The following NSD3 variants were observed in gnomAD, a reference collection of about 807,000 sequenced individuals.
The protein encoded by NSD3 is nuclear receptor binding SET domain protein 3.
Under a neutral mutation model 160.8 loss-of-function variants are expected in NSD3, and 24 were observed. The observed-to-expected ratio is 0.15, with a 90% CI of 0.11 to 0.21. The LOEUF is 0.21. NSD3 is among the 10% of genes least tolerant of loss of function. The pLI is 1.00. For missense variants in NSD3, 1,157 were observed against 1,735.9 expected (o/e 0.67, Z 5.93); for synonymous variants, 520 against 600.0 (o/e 0.87, Z 1.95).
At chr8:38,283,009 G>A (rs557521064) in intron 19 of NSD3, among the ~76,000 whole-genome samples, 3 of 152,206 alleles carry the variant, frequency 2.0e-5, no homozygotes, top group Non-Finnish European at 4.4e-5. Context: ...ACCATATGGT[G>A]AGTGTATGTT....
chr8:38,377,855 C>G (rs1391575308), intron 1 of NSD3, among the ~76,000 whole-genome samples: 1 of 152,016 alleles, frequency 6.6e-6, no homozygotes, highest in African/African-American at 2.4e-5. Flanking sequence ...ACCGCTTGAA[C>G]CGGGAGGTGA....
chr8:38,333,780 T>C (rs1810131782), intron 4 of NSD3, among the ~76,000 whole-genome samples: 1 of 151,712 alleles, frequency 6.6e-6, no homozygotes, highest in Admixed American at 6.6e-5. Flanking sequence ...GGCAGGAGAA[T>C]GGCGTGAACC....
intron 11 of NSD3, 43 bp from the exon 12 acceptor site, chr8:38,314,816 C>T (rs111569526): frequency 0.013 from 20,834 of 1,593,226 alleles, 143 homozygotes; most frequent in Non-Finnish European, 0.015. Context: ...CTTTGGCAAA[C>T]ATCAAGACCA....
Position 38,337,482 on chromosome 8 carries a change from C to A in NSD3, c.748-15G>T. 6.5e-7 allele frequency: 1 copy of A among 1,529,550 alleles called. No individual in the cohort carries two copies. The highest frequency in any genetic ancestry group is 8.7e-7 in the Non-Finnish European group (1 of 1,145,242). The allele number at this position is 1,529,550 out of a possible 1,614,324, so 94.7% of individuals were successfully genotyped here. A position where few individuals can be genotyped will look rare whatever the true frequency, so the allele number is the denominator to read the frequency against. On this transcript the variant is annotated splice_polypyrimidine_tract_variant and intron_variant, in intron 3 of 23. Coordinates refer to ENST00000317025, the MANE Select transcript of NSD3 (RefSeq NM_023034.2). ...ATTGGCTGAACCTACAGGAAAGGGT[C>A]AAAAAACTTCATCAGAAATTCAAAA...
chr8:38,304,754 C>A lies in NSD3; in HGVS notation c.2444G>T (p.Arg815Leu), dbSNP rs760732116. The stretch of plus-strand genomic sequence containing the variant: ...TGGACATCTTAAACATCTCATCATG[C>A]GGCCTGTTTAAAGACAAGTCAAAAA... ...EKDIHKASKG[R>L]MMRCLRCPVA... Residue 815 changes from arginine to leucine, a missense_variant, in exon 14 of 24, where the codon CGC becomes CTC. Physicochemically the swap from Arg to Leu is moderately radical, Grantham distance 102. Transcript: ENST00000317025. The A allele has an allele frequency of 6.2e-7, 1 of 1,603,612 alleles. No individual in the cohort carries two copies. Among genetic ancestry groups the A allele is most frequent in the Non-Finnish European group, 8.5e-7 (1 of 1,176,500 alleles).
At chr8:38,357,936 T>A (rs1355113483) in intron 1 of NSD3, among the ~76,000 whole-genome samples, 1 of 152,154 alleles carries the variant, frequency 6.6e-6, no homozygotes, top group Non-Finnish European at 1.5e-5. Flanking sequence ...TTAGCTCACT[T>A]AGATGTCACT....
At chr8:38,304,838 G>T in intron 13 of NSD3, 81 bp from the exon 14 acceptor site, 1 of 1,437,686 alleles carries the variant, frequency 7.0e-7, no homozygotes, top group Admixed American at 2.4e-5. Flanking sequence ...GGGCTTTTTT[G>T]GGTCCCTCTG....
At chr8:38,343,046 A>T (rs1000034580) in intron 2 of NSD3, among the ~76,000 whole-genome samples, 5 of 151,716 alleles carry the variant, frequency 3.3e-5, no homozygotes, top group Admixed American at 2.6e-4. Context: ...ACACAAAAAA[A>T]TTAGCTGAGT....
intron 1 of NSD3, among the ~76,000 whole-genome samples, chr8:38,376,045 G>C (rs1260998945): frequency 6.6e-6 from 1 of 151,876 alleles, no homozygotes; most frequent in African/African-American, 2.4e-5. Flanking sequence ...TTTTTAACTT[G>C]TTTTCAAATA....
In NSD3 at chr8:38,278,248, C is replaced by T. The variant is rs1054209644; in HGVS notation, c.3867+58G>A. 52 of 1,521,700 alleles carry T rather than the reference C, an allele frequency of 3.4e-5. No homozygotes were observed. The African/African-American group carries it at 6.5e-4, about 19-fold the overall frequency. The allele number at this position is 1,521,700 out of a possible 1,614,324, so 94.3% of individuals were successfully genotyped here. A position where few individuals can be genotyped will look rare whatever the true frequency, so the allele number is the denominator to read the frequency against. The stretch of plus-strand genomic sequence containing the variant: ...CCACCGCGCCCGGCCAAACAGACTT[C>T]TTAACAGCCCTACTCCTTATCGCCT... On this transcript the variant is annotated intron_variant, in intron 22 of 23. Transcript: ENST00000317025.
intron 1 of NSD3, among the ~76,000 whole-genome samples, chr8:38,365,819 A>G (rs1374045129): frequency 6.6e-6 from 1 of 152,132 alleles, no homozygotes; most frequent in Non-Finnish European, 1.5e-5. Flanking sequence ...AAAGACAAGG[A>G]AAAAGATGAT....
intron 7 of NSD3, among the ~76,000 whole-genome samples, chr8:38,322,702 A>G (rs912413042): frequency 3.3e-5 from 5 of 152,230 alleles, no homozygotes; most frequent in African/African-American, 1.2e-4. Flanking sequence ...AAGAAAGAGG[A>G]GGTGAGCATT....
At chr8:38,291,644 A>G (rs562654067) in intron 16 of NSD3, among the ~76,000 whole-genome samples, 1 of 152,372 alleles carries the variant, frequency 6.6e-6, no homozygotes, top group South Asian at 2.1e-4. Flanking sequence ...TAAACAAAAC[A>G]AAAACCAATA....
intron 6 of NSD3, among the ~76,000 whole-genome samples, chr8:38,328,590 C>T (rs1009751741): frequency 6.6e-6 from 1 of 152,144 alleles, no homozygotes; most frequent in Non-Finnish European, 1.5e-5. Flanking sequence ...AATTAATCTG[C>T]ATATGACTAT....
intron 1 of NSD3, among the ~76,000 whole-genome samples, chr8:38,354,419 T>C (rs149746511): frequency 1.3e-5 from 2 of 152,224 alleles, no homozygotes; most frequent in Admixed American, 1.3e-4. Context: ...TAAACAGATA[T>C]TGTGGAGACA....
rs1809677191 is a variant in NSD3, at chr8:38,316,781, A to G, written c.1856-739T>C. ...ATTTGTGCGGGAAGAAATAAATAGG[A>G]AAAAAAAGGCAGAGAATAGTGTGGA... On this transcript the variant is annotated intron_variant, in intron 9 of 23. Transcript: ENST00000317025. The surrounding 1 kb of genome is among the most constrained non-coding windows in gnomAD (Gnocchi z 4.5). 4.7e-6 allele frequency: 5 copies of G among 1,056,678 alleles called. No homozygotes were observed. Among genetic ancestry groups the G allele is most frequent in the South Asian group, 4.6e-5 (1 of 21,884 alleles). 65.5% of individuals were successfully genotyped at this position (1,056,678 alleles called of 1,614,324 possible). A position where few individuals can be genotyped will look rare whatever the true frequency, so the allele number is the denominator to read the frequency against.
chr8:38,325,194 G>A (rs1017435069), intron 7 of NSD3, among the ~76,000 whole-genome samples: 2 of 152,172 alleles, frequency 1.3e-5, no homozygotes, highest in Non-Finnish European at 1.5e-5. Flanking sequence ...AGGATTGAGC[G>A]CTTAACCTGA....
At chr8:38,290,871 A>C (rs761963605) in intron 16 of NSD3, 194 bp from the exon 17 acceptor site, 1 of 502,082 alleles carries the variant, frequency 2.0e-6, no homozygotes, top group Non-Finnish European at 3.5e-6. Context: ...ATTAGGCCCT[A>C]AACACCTGAT....
At chr8:38,353,304 A>G (rs1810746210) in intron 1 of NSD3, among the ~76,000 whole-genome samples, 1 of 152,242 alleles carries the variant, frequency 6.6e-6, no homozygotes, top group African/African-American at 2.4e-5. Flanking sequence ...TATAGCTCAC[A>G]GCAACAGACA....
Sources: gnomAD v4.1 joint callset for allele counts (sites outside exome capture counted in the v4.1 genomes callset) on GRCh38, gnomAD v4.1.1 for gene constraint, Gnocchi (gnomAD v3.1) non-coding constraint, MANE v1.5 for transcripts, NCBI Gene and HGNC (gene_info 2026-07-23, HGNC 2026-07-21) for gene names.